The following TSNARE1 variants were observed in gnomAD, a reference collection of about 807,000 sequenced individuals.
The protein encoded by TSNARE1 is t-SNARE domain containing 1.
TSNARE1 carries 49 observed loss-of-function variants against 62.0 expected under a neutral mutation model. The observed-to-expected ratio is 0.79, with a 90% confidence interval of 0.63 to 1.00. The LOEUF (loss-of-function observed/expected upper bound fraction) is 1.00, where lower values mean the gene tolerates loss of function less well. Among genes scored for constraint, TSNARE1 ranks in the 50% least tolerant of loss-of-function variants. TSNARE1 has a pLI of 0.00. For synonymous variants in TSNARE1, 328 were observed against 294.4 expected (o/e 1.11, Z -1.17); for missense variants, 755 against 700.1 (o/e 1.08, Z -0.88).
At chr8:142,313,883 A>G (rs780331324) in intron 9 of TSNARE1, among the ~76,000 whole-genome samples, 4 of 152,144 alleles carry the variant, frequency 2.6e-5, no homozygotes, top group African/African-American at 4.8e-5. Context: ...GATTCAAGCA[A>G]TTCTCCTGCC....
chr8:142,212,266 G>A lies in TSNARE1; in HGVS notation c.*59C>T, dbSNP rs1164593459. 6.6e-6 allele frequency: 1 copy of A among 152,274 alleles called. No homozygotes were observed. The highest frequency in any genetic ancestry group is 1.5e-5 in the Non-Finnish European group (1 of 68,088). 9.4% of individuals were successfully genotyped at this position (152,274 alleles called of 1,614,324 possible). A position where few individuals can be genotyped will look rare whatever the true frequency, so the allele number is the denominator to read the frequency against. On this transcript the variant is annotated 3_prime_UTR_variant, in exon 14 of 14. Coordinates refer to ENST00000524325, the MANE Select transcript of TSNARE1 (RefSeq NM_145003.5). Reference sequence around the variant, plus strand: ...AGCTCCGGGCCAGGAGGGGTGCTCGGGGCTGGAGAGCCCACACCACAGCCA... The same window carrying A: ...AGCTCCGGGCCAGGAGGGGTGCTCGAGGCTGGAGAGCCCACACCACAGCCA...
chr8:142,240,807 A>T (rs749183147), intron 12 of TSNARE1, among the ~76,000 whole-genome samples: 1 of 152,258 alleles, frequency 6.6e-6, no homozygotes, highest in Non-Finnish European at 1.5e-5. Context: ...TGGAAATATT[A>T]TGTATCAAAA....
intron 1 of TSNARE1, among the ~76,000 whole-genome samples, chr8:142,398,994 G>A (rs1008618941): frequency 6.6e-6 from 1 of 152,222 alleles, no homozygotes; most frequent in Non-Finnish European, 1.5e-5. Flanking sequence ...AGGCCAGGCA[G>A]GACAGCCACA....
chr8:142,380,513 G>A (rs1386744582), intron 1 of TSNARE1, among the ~76,000 whole-genome samples: 5 of 109,320 alleles, frequency 4.6e-5, no homozygotes, highest in Admixed American at 1.0e-4. Flanking sequence ...TCCTGACCCC[G>A]CCCCCACCCC....
rs988901536 is a variant in TSNARE1, at chr8:142,326,682, G to A, written c.893+4219C>T. On this transcript the variant is annotated intron_variant, in intron 6 of 13. Transcript: ENST00000524325. ...CGAAGGGGAGGGCCCCAGAGAGCAC[G>A]AGACGGATGAGGAACCAGCACCAGT... is the stretch of plus-strand genomic sequence containing the variant. Among the ~76,000 whole-genome samples, 9 of 152,106 alleles carry A rather than the reference G, an allele frequency of 5.9e-5. 1 individual carries two copies. Among genetic ancestry groups the A allele is most frequent in the Non-Finnish European group, 8.8e-5 (6 of 68,016 alleles).
intron 10 of TSNARE1, among the ~76,000 whole-genome samples, chr8:142,298,146 C>T (rs892158865): frequency 1.3e-5 from 2 of 152,218 alleles, no homozygotes; most frequent in Non-Finnish European, 2.9e-5. Flanking sequence ...AGCCCAGGCC[C>T]GAGTGAGTTC....
chr8:142,314,897 G>C, intron 8 of TSNARE1, 106 bp downstream of exon 8: 1 of 1,069,922 alleles, frequency 9.3e-7, no homozygotes. Context: ...TTTGGGGATG[G>C]GGCTGCACCA....
intron 11 of TSNARE1, among the ~76,000 whole-genome samples, chr8:142,283,702 G>T (rs1343636682): frequency 2.6e-5 from 4 of 150,982 alleles, no homozygotes; most frequent in African/African-American, 9.8e-5. Flanking sequence ...ATGAGCAGAG[G>T]CGGGGCCAGT....
chr8:142,290,478 C>T (rs1002682048), intron 10 of TSNARE1, among the ~76,000 whole-genome samples: 9 of 152,340 alleles, frequency 5.9e-5, no homozygotes, highest in South Asian at 2.1e-4. Context: ...GCCCCTTGCA[C>T]GAGACATAAT....
At chr8:142,355,124 G>C (rs539806523) in intron 1 of TSNARE1, among the ~76,000 whole-genome samples, 1 of 152,178 alleles carries the variant, frequency 6.6e-6, no homozygotes, top group Non-Finnish European at 1.5e-5. Flanking sequence ...CTGGGCCCCC[G>C]CCATGCAGGC....
At chr8:142,337,971 C>T (rs1430211056) in intron 4 of TSNARE1, among the ~76,000 whole-genome samples, 1 of 152,194 alleles carries the variant, frequency 6.6e-6, no homozygotes, top group Admixed American at 6.5e-5. Flanking sequence ...AGAGAGGGCC[C>T]CCCTCATTCC....
chr8:142,276,254 T>G (rs1820468268), intron 11 of TSNARE1: 17 of 985,374 alleles, frequency 1.7e-5, no homozygotes, highest in Non-Finnish European at 2.0e-5. Flanking sequence ...TTTGCTCACT[T>G]GCAGACAGCC....
chr8:142,295,729 C>T (rs955413610), intron 10 of TSNARE1, among the ~76,000 whole-genome samples: 11 of 152,056 alleles, frequency 7.2e-5, no homozygotes, highest in Non-Finnish European at 1.3e-4. Context: ...TAAAGAGAAA[C>T]GTGGCCTGGT....
At chr8:142,337,838 G>A (rs531912770) in intron 4 of TSNARE1, among the ~76,000 whole-genome samples, 6 of 152,308 alleles carry the variant, frequency 3.9e-5, no homozygotes, top group Non-Finnish European at 5.9e-5. Flanking sequence ...CACGGCTGCC[G>A]CTGGAGCACA....
At chr8:142,387,621 G>C (rs1013198328) in intron 1 of TSNARE1, among the ~76,000 whole-genome samples, 15 of 151,908 alleles carry the variant, frequency 9.9e-5, no homozygotes, top group Non-Finnish European at 2.9e-5. Context: ...TTTTACTCAA[G>C]CCTACATGAA....
intron 2 of TSNARE1, among the ~76,000 whole-genome samples, chr8:142,352,601 C>T (rs1000387670): frequency 1.3e-5 from 2 of 152,268 alleles, no homozygotes; most frequent in South Asian, 2.1e-4. Flanking sequence ...TGATGCAGCG[C>T]GGAATCGAAG....
rs191395127 is a variant in TSNARE1, at chr8:142,232,547, C to T, written c.1447-2968G>A. Reference sequence around the variant, plus strand: ...AACGGACAGGCCAAAGGGGCGGACCCGGATGTAGCAAAGGATGTGCCCCAG... The same window carrying T: ...AACGGACAGGCCAAAGGGGCGGACCTGGATGTAGCAAAGGATGTGCCCCAG... On this transcript the variant is annotated intron_variant, in intron 12 of 13. Coordinates refer to ENST00000524325, the MANE Select transcript of TSNARE1 (RefSeq NM_145003.5). 1.8e-4 allele frequency among the ~76,000 whole-genome samples: 27 copies of T among 152,348 alleles called. No homozygotes were observed. In the East Asian group the frequency reaches 3.9e-3, roughly 22 times the overall value.
chr8:142,300,763 G>GGACTATCTGGGTCTGAGGC, intron 9 of TSNARE1, 119 bp from the exon 10 acceptor site: 2 of 1,212,110 alleles, frequency 1.7e-6, no homozygotes, highest in South Asian at 1.6e-5. Context: ...CTCTCTGAGG[G>GGACTATCTGGGTCTGAGGC]GACGATCTGG....
intron 10 of TSNARE1, among the ~76,000 whole-genome samples, chr8:142,294,637 G>A (rs1339551743): frequency 6.6e-6 from 1 of 152,228 alleles, no homozygotes; most frequent in Non-Finnish European, 1.5e-5. Flanking sequence ...AGGCCAAGAG[G>A]AGATGGGGCC....
Sources: allele counts gnomAD v4.1 joint callset (sites outside exome capture counted in the v4.1 genomes callset), GRCh38; gene constraint gnomAD v4.1.1; transcripts MANE v1.5; gene names NCBI Gene and HGNC (gene_info 2026-07-23, HGNC 2026-07-21).